The following SULT2B1 variants were observed in gnomAD, a reference collection of about 807,000 sequenced individuals.
The protein encoded by SULT2B1 is sulfotransferase 2B1.
In SULT2B1, 16 loss-of-function variants were observed where a neutral mutation model predicts 33.2. That is an observed-to-expected ratio of 0.48 (90% CI 0.33 to 0.73). The LOEUF (loss-of-function observed/expected upper bound fraction) is 0.73, where lower values mean the gene tolerates loss of function less well. Ranked by LOEUF, SULT2B1 falls within the 30% of genes least tolerant of loss-of-function variation. The pLI is 0.02. For synonymous variants in SULT2B1, 186 were observed against 200.5 expected (o/e 0.93, Z 0.61); for missense variants, 500 against 506.0 (o/e 0.99, Z 0.11).
intron 1 of SULT2B1, among the ~76,000 whole-genome samples, chr19:48,574,503 C>T (rs996669296): frequency 6.6e-6 from 1 of 152,336 alleles, no homozygotes; most frequent in South Asian, 2.1e-4. Flanking sequence ...TTTTCCTCTC[C>T]TGTAAGCTGG....
chr19:48,578,032 C>T (rs1973437627), intron 2 of SULT2B1, among the ~76,000 whole-genome samples: 1 of 146,128 alleles, frequency 6.8e-6, no homozygotes, highest in Non-Finnish European at 1.5e-5. Context: ...GCCTGGGCAA[C>T]ATAGCAAGAC....
intron 1 of SULT2B1, among the ~76,000 whole-genome samples, chr19:48,571,022 C>T (rs961969613): frequency 2.0e-5 from 3 of 151,078 alleles, no homozygotes; most frequent in African/African-American, 7.3e-5. Flanking sequence ...CCACACCTGG[C>T]CTATTATTAT....
intron 1 of SULT2B1, among the ~76,000 whole-genome samples, chr19:48,558,395 A>AG (rs1333890084): frequency 6.6e-6 from 1 of 152,030 alleles, no homozygotes; most frequent in African/African-American, 2.4e-5. Context: ...TGGGCTACGG[A>AG]GAGTGTCAAG....
chr19:48,581,229 A>T, intron 2 of SULT2B1, among the ~76,000 whole-genome samples: 1 of 139,432 alleles, frequency 7.2e-6, no homozygotes, highest in African/African-American at 2.7e-5. Context: ...TTTTTAGTAG[A>T]TCGGGGGTTT....
At chr19:48,570,413 A>C (rs1033106604) in intron 1 of SULT2B1, among the ~76,000 whole-genome samples, 1 of 152,108 alleles carries the variant, frequency 6.6e-6, no homozygotes, top group Non-Finnish European at 1.5e-5. Context: ...TCCTGACCTC[A>C]GGTGATTTGC....
rs1286694509 is a variant in SULT2B1, at chr19:48,581,662, T to A, written c.215-5567T>A. ...TTAGTAGAGACGGGGTTTCACCGTGTTAGCCAGGATGGTCTCGATCTCCTG... is the reference window on the plus strand; with the variant it reads ...TTAGTAGAGACGGGGTTTCACCGTGATAGCCAGGATGGTCTCGATCTCCTG... On this transcript the variant is annotated intron_variant, in intron 2 of 6. Coordinates refer to ENST00000201586, the MANE Select transcript of SULT2B1 (RefSeq NM_177973.2). 2.7e-5 allele frequency among the ~76,000 whole-genome samples: 4 copies of A among 149,662 alleles called. No individual in the cohort carries two copies. The Admixed American group carries it at 2.7e-4, about 10-fold the overall frequency.
Position 48,587,078 on chromosome 19 carries a change from C to G in SULT2B1, c.215-151C>G, listed in dbSNP as rs527888846. ...AGTGAGCCGAGATCGCGCCATTGCA[C>G]TCCAGCGTGGGCAACAGAGTAAGAC... is the stretch of plus-strand genomic sequence containing the variant. On this transcript the variant is annotated intron_variant, in intron 2 of 6. Coordinates refer to ENST00000201586, the MANE Select transcript of SULT2B1 (RefSeq NM_177973.2). 1.4e-4 allele frequency: 87 copies of G among 600,650 alleles called. 1 individual carries two copies. In the East Asian group the frequency reaches 2.5e-3, roughly 17 times the overall value. The allele number at this position is 600,650 out of a possible 1,614,324, so 37.2% of individuals were successfully genotyped here.
chr19:48,570,923 C>T (rs1401825068), intron 1 of SULT2B1, among the ~76,000 whole-genome samples: 2 of 151,710 alleles, frequency 1.3e-5, no homozygotes, highest in East Asian at 3.9e-4. Flanking sequence ...GGGGTTTCAC[C>T]ATGTTAGCCA....
At chr19:48,582,079 A>G (rs1184851087) in intron 2 of SULT2B1, among the ~76,000 whole-genome samples, 1 of 151,534 alleles carries the variant, frequency 6.6e-6, no homozygotes. Context: ...TAATTTTTGA[A>G]TTATTAGTAG....
intron 1 of SULT2B1, among the ~76,000 whole-genome samples, chr19:48,560,191 C>A (rs1160970298): frequency 6.6e-6 from 1 of 152,050 alleles, no homozygotes; most frequent in Non-Finnish European, 1.5e-5. Flanking sequence ...AGTTCTGAGA[C>A]CGCTGCTGAG....
At chr19:48,560,120 G>C (rs1973157482) in intron 1 of SULT2B1, among the ~76,000 whole-genome samples, 1 of 152,130 alleles carries the variant, frequency 6.6e-6, no homozygotes, top group African/African-American at 2.4e-5. Flanking sequence ...CCGGGGAAGG[G>C]CCTGACCTGG....
At chr19:48,588,723 T>C (rs1379475337) in intron 3 of SULT2B1, among the ~76,000 whole-genome samples, 1 of 151,158 alleles carries the variant, frequency 6.6e-6, no homozygotes, top group East Asian at 1.9e-4. Flanking sequence ...CAATTATAAA[T>C]AAGGAGGTCA....
intron 1 of SULT2B1, among the ~76,000 whole-genome samples, chr19:48,555,952 C>T (rs1973094877): frequency 6.6e-6 from 1 of 152,134 alleles, no homozygotes; most frequent in Non-Finnish European, 1.5e-5. Context: ...GTTGGCCAGG[C>T]TGGTCTTGAA....
Position 48,575,946 on chromosome 19 carries a change from A to T in SULT2B1, c.77A>T (p.Lys26Met). The T allele has an allele frequency of 6.2e-7, 1 of 1,612,016 alleles. No individual in the cohort carries two copies. The highest frequency in any genetic ancestry group is 8.5e-7 in the Non-Finnish European group (1 of 1,178,360). The change falls in exon 2 of 7, where the codon AAG becomes ATG. Residue 26 changes from lysine (K) to methionine (M), a missense_variant. Coordinates refer to ENST00000201586, the MANE Select transcript of SULT2B1 (RefSeq NM_177973.2). The stretch of plus-strand genomic sequence containing the variant: ...TCTCCCCCACCTTTCCACAGCCAGA[A>T]GTTGCCAGGTGAATACTTCCGGTAC... ...YEDDISEISQKLPGEYFRYKG... is the reference protein window; with the variant it reads ...YEDDISEISQMLPGEYFRYKG...
chr19:48,555,549 C>CCTCTCTCTCTCTCTCTCTCTCTCTCTCT (rs142655043), intron 1 of SULT2B1, among the ~76,000 whole-genome samples: 11 of 124,190 alleles, frequency 8.9e-5, no homozygotes, highest in African/African-American at 1.7e-4. Context: ...CCAGAGACAT[C>CCTCTCTCTCTCTCTCTCTCTCTCTCTCT]CTCTCTCTCT....
intron 1 of SULT2B1, among the ~76,000 whole-genome samples, chr19:48,565,755 TTTTG>T (rs144277267): frequency 0.14 from 20,580 of 151,672 alleles, 1,836 homozygotes; most frequent in East Asian, 0.35. Context: ...TGTGCTAGTT[TTTTG>T]TTTGTTTGTT....
At chr19:48,564,376 A>C (rs1568403976) in intron 1 of SULT2B1, among the ~76,000 whole-genome samples, 1 of 150,242 alleles carries the variant, frequency 6.7e-6, no homozygotes, top group African/African-American at 2.5e-5. Context: ...ACACGGTGAA[A>C]CCCTGTCTCT....
In SULT2B1 at chr19:48,599,111, C is replaced by T. The variant is rs777404507; in HGVS notation, c.827-24C>T. ...GCAGTGCTCCCCAGAGGCTCCTCAC[C>T]CCCTGGTGCCCCCTCTTCTCCAGGG... is the stretch of plus-strand genomic sequence containing the variant. On this transcript the variant is annotated intron_variant, in intron 6 of 6. Coordinates refer to ENST00000201586, the MANE Select transcript of SULT2B1 (RefSeq NM_177973.2). This position sits in a 1 kb window ranked among gnomAD's most constrained non-coding sequence, Gnocchi z 4.1. 1.9e-6 allele frequency: 3 copies of T among 1,553,438 alleles called. 1 individual carries two copies. The South Asian group carries it at 3.5e-5, about 18-fold the overall frequency.
chr19:48,587,295 C>T lies in SULT2B1; in HGVS notation c.281C>T (p.Ser94Phe). Residue 94 changes from serine to phenylalanine, a missense_variant, in exon 3 of 7, where the codon TCC (serine) becomes TTC (phenylalanine). Transcript: ENST00000201586. Reference sequence around the variant, plus strand: ...GAAGGGGATCCATCCTGGATCCGCTCCGTGCCCATCTGGGAGCGGGCACCC... The same window carrying T: ...GAAGGGGATCCATCCTGGATCCGCTTCGTGCCCATCTGGGAGCGGGCACCC... Reference protein sequence around the residue: ...LKEGDPSWIRSVPIWERAPWC... With the variant: ...LKEGDPSWIRFVPIWERAPWC... The T allele has an allele frequency of 6.2e-7, 1 of 1,614,056 alleles. No homozygotes were observed. The highest frequency in any genetic ancestry group is 8.5e-7 in the Non-Finnish European group (1 of 1,180,010).
Sources: allele counts gnomAD v4.1 joint callset (sites outside exome capture counted in the v4.1 genomes callset), GRCh38; gene constraint gnomAD v4.1.1; non-coding constraint Gnocchi (gnomAD v3.1); transcripts MANE v1.5; gene names NCBI Gene and HGNC (gene_info 2026-07-23, HGNC 2026-07-21).